The following NELL2 variants were observed in gnomAD, a reference collection of about 807,000 sequenced individuals.
NELL2 encodes neural EGFL like 2, also known as protein kinase C-binding protein NELL2.
Under a neutral mutation model 109.6 loss-of-function variants are expected in NELL2, and 41 were observed. The observed-to-expected ratio is 0.37, with a 90% CI of 0.29 to 0.49. The LOEUF is 0.49. Ranked by LOEUF, NELL2 falls within the 20% of genes least tolerant of loss-of-function variation. The probability of loss-of-function intolerance (pLI) is 0.98; values close to 1 mark genes in which losing one functional copy is unlikely to be tolerated. For missense variants in NELL2, 900 were observed against 1,008.3 expected (o/e 0.89, Z 1.45); for synonymous variants, 355 against 344.7 (o/e 1.03, Z -0.33).
intron 2 of NELL2, among the ~76,000 whole-genome samples, chr12:44,819,736 G>A (rs2136694151): frequency 6.6e-6 from 1 of 152,290 alleles, no homozygotes; most frequent in African/African-American, 2.4e-5. Context: ...TTGTCTTCCT[G>A]TTTTGCTACC....
intron 15 of NELL2, 82 bp downstream of exon 15, chr12:44,607,087 C>T: frequency 8.1e-7 from 1 of 1,240,124 alleles, no homozygotes; most frequent in Non-Finnish European, 1.1e-6. Flanking sequence ...CCACTTGAAA[C>T]TTGAAACATT....
At chr12:44,880,536 C>T (rs966669975), upstream of NELL2, among the ~76,000 whole-genome samples, 3 of 151,828 alleles carry the variant, frequency 2.0e-5, no homozygotes, top group Non-Finnish European at 4.4e-5. Context: ...ATAACCAACA[C>T]ACAACTAGTT....
At chr12:44,791,608 A>G (rs1057478052) in intron 3 of NELL2, among the ~76,000 whole-genome samples, 1 of 150,220 alleles carries the variant, frequency 6.7e-6, no homozygotes, top group Non-Finnish European at 1.5e-5. Context: ...AGCTGATAGA[A>G]TTTGCTGATA....
chr12:44,786,525 G>A (rs1434340709), intron 3 of NELL2, among the ~76,000 whole-genome samples: 1 of 152,132 alleles, frequency 6.6e-6, no homozygotes, highest in African/African-American at 2.4e-5. Flanking sequence ...CCCATTACTG[G>A]TTATATACCC....
At chr12:44,658,109 GTTC>G (rs1303365302) in intron 13 of NELL2, among the ~76,000 whole-genome samples, 1 of 152,138 alleles carries the variant, frequency 6.6e-6, no homozygotes, top group Non-Finnish European at 1.5e-5. Flanking sequence ...GTGTAAAAGT[GTTC>G]TTATTTCTCC....
chr12:44,685,139 T>C (rs570547829), intron 12 of NELL2, among the ~76,000 whole-genome samples: 3 of 152,234 alleles, frequency 2.0e-5, no homozygotes, highest in Non-Finnish European at 2.9e-5. Flanking sequence ...TAGTTAGTTC[T>C]TCTTGTTGAA....
chr12:44,921,612 G>A (rs905074322), intron 1 of NELL2, among the ~76,000 whole-genome samples: 1 of 152,140 alleles, frequency 6.6e-6, no homozygotes, highest in Non-Finnish European at 1.5e-5. Context: ...CAAGCAATAA[G>A]TATTACGTAA....
chr12:44,919,452 C>A (rs1945853243), intron 1 of NELL2, among the ~76,000 whole-genome samples: 1 of 152,000 alleles, frequency 6.6e-6, no homozygotes, highest in Non-Finnish European at 1.5e-5. Flanking sequence ...AAGTCCTAAC[C>A]CCCAGTACCT....
chr12:44,779,249 T>G (rs1403800466), intron 5 of NELL2, among the ~76,000 whole-genome samples: 1 of 152,224 alleles, frequency 6.6e-6, no homozygotes. Context: ...TTTCTCACTT[T>G]CTGCAGTACA....
intron 15 of NELL2, among the ~76,000 whole-genome samples, chr12:44,596,251 C>A (rs1944958032): frequency 6.6e-6 from 1 of 152,196 alleles, no homozygotes; most frequent in African/African-American, 2.4e-5. Context: ...GATAATTTGG[C>A]ACCCATATTC....
At chr12:44,791,061 T>G (rs1426483187) in intron 3 of NELL2, among the ~76,000 whole-genome samples, 3 of 72,970 alleles carry the variant, frequency 4.1e-5, no homozygotes, top group Non-Finnish European at 7.7e-5. Flanking sequence ...AGAAGAAAGT[T>G]CAAGTATATA....
intron 9 of NELL2, among the ~76,000 whole-genome samples, chr12:44,769,036 T>G (rs1941445797): frequency 6.6e-6 from 1 of 152,194 alleles, no homozygotes; most frequent in Admixed American, 6.5e-5. Flanking sequence ...TATATTCTGC[T>G]GATTTTTGTT....
chr12:44,757,861 G>A (rs1341214187), intron 9 of NELL2, among the ~76,000 whole-genome samples: 1 of 152,090 alleles, frequency 6.6e-6, no homozygotes, highest in African/African-American at 2.4e-5. Flanking sequence ...GTGTTTGAAG[G>A]GTTTTGAACT....
At chr12:44,919,609 T>C (rs1945854475) in intron 1 of NELL2, among the ~76,000 whole-genome samples, 1 of 152,114 alleles carries the variant, frequency 6.6e-6, no homozygotes, top group Non-Finnish European at 1.5e-5. Context: ...GAGAATGCTG[T>C]GTGAACGTGA....
upstream of NELL2, chr12:44,876,484 G>T: frequency 7.4e-7 from 1 of 1,346,354 alleles, no homozygotes; most frequent in Non-Finnish European, 9.6e-7. Flanking sequence ...GGGAGCCCAG[G>T]AGCCGTTGCA....
intron 12 of NELL2, among the ~76,000 whole-genome samples, chr12:44,694,176 T>A (rs865906335): frequency 2.6e-5 from 4 of 152,146 alleles, no homozygotes; most frequent in Non-Finnish European, 4.4e-5. Flanking sequence ...AACATTTGAA[T>A]CTGTAGACTG....
chr12:44,513,250 A>G (rs901993263), intron 19 of NELL2, among the ~76,000 whole-genome samples: 1 of 152,008 alleles, frequency 6.6e-6, no homozygotes, highest in Non-Finnish European at 1.5e-5. Context: ...TGTAAAGCCA[A>G]CCTCTAATAA....
intron 19 of NELL2, among the ~76,000 whole-genome samples, chr12:44,517,377 CT>C (rs1941320469): frequency 4.8e-5 from 1 of 20,784 alleles, no homozygotes; most frequent in Non-Finnish European, 8.2e-5. Context: ...TACTTTCTCT[CT>C]CTCTCTCTCT....
At chr12:44,873,453 T>C (rs1176953574) in intron 2 of NELL2, among the ~76,000 whole-genome samples, 1 of 152,102 alleles carries the variant, frequency 6.6e-6, no homozygotes, top group Middle Eastern at 3.2e-3. Context: ...CCTGAGACTA[T>C]TTCCTAAAAA....
Sources: allele counts gnomAD v4.1 joint callset (sites outside exome capture counted in the v4.1 genomes callset), GRCh38; gene constraint gnomAD v4.1.1; transcripts MANE v1.5; gene names NCBI Gene and HGNC (gene_info 2026-07-23, HGNC 2026-07-21).